UTRN: variants seen among roughly 807,000 people sequenced by gnomAD.
The protein encoded by UTRN is utrophin, also known as dystrophin-related protein 1.
UTRN carries 283 observed loss-of-function variants against 463.9 expected under a neutral mutation model. The ratio of observed to expected loss-of-function variants is 0.61; its 90% CI spans 0.55 to 0.67. UTRN has a LOEUF of 0.67. Among genes scored for constraint, UTRN ranks in the 30% least tolerant of loss-of-function variants. UTRN has a pLI of 0.00. For missense variants in UTRN, 3,922 were observed against 4,084.3 expected (o/e 0.96, Z 1.08); for synonymous variants, 1,442 against 1,431.5 (o/e 1.01, Z -0.17).
chr6:144,774,856 A>G (rs757907533), intron 60 of UTRN, among the ~76,000 whole-genome samples: 7 of 152,218 alleles, frequency 4.6e-5, no homozygotes, highest in Non-Finnish European at 7.3e-5. Flanking sequence ...AGTATTATCA[A>G]TGCATTTTTC....
At chr6:144,849,735 T>G (rs1457749393) in intron 74 of UTRN, among the ~76,000 whole-genome samples, 1 of 152,210 alleles carries the variant, frequency 6.6e-6, no homozygotes, top group African/African-American at 2.4e-5. Context: ...TTCTGACACC[T>G]AAAATGAGCA....
At chr6:144,495,731 G>GA (rs946864311) in intron 33 of UTRN, among the ~76,000 whole-genome samples, 3 of 152,200 alleles carry the variant, frequency 2.0e-5, no homozygotes, top group African/African-American at 4.8e-5. Context: ...AAATACAAGG[G>GA]AAAAAATAAA....
intron 51 of UTRN, among the ~76,000 whole-genome samples, chr6:144,652,311 G>C (rs1189389075): frequency 6.6e-6 from 1 of 152,164 alleles, no homozygotes; most frequent in Non-Finnish European, 1.5e-5. Flanking sequence ...GACAAACAGG[G>C]TCCAGGGAAT....
chr6:144,574,029 G>A (rs536335138), intron 50 of UTRN, among the ~76,000 whole-genome samples: 8 of 152,150 alleles, frequency 5.3e-5, no homozygotes, highest in East Asian at 1.9e-4. Flanking sequence ...TAAAGGAGTC[G>A]TAGGATTGTG....
chr6:144,843,044 G>C (rs557044034), intron 73 of UTRN, among the ~76,000 whole-genome samples: 1 of 152,224 alleles, frequency 6.6e-6, no homozygotes, highest in South Asian at 2.1e-4. Flanking sequence ...CAATTGTTAT[G>C]TTACTTAGTG....
At chr6:144,495,832 A>G (rs1793591685) in intron 33 of UTRN, among the ~76,000 whole-genome samples, 3 of 152,198 alleles carry the variant, frequency 2.0e-5, no homozygotes, top group Admixed American at 6.5e-5. Flanking sequence ...GTGTAATTTT[A>G]ATTGTGAGAA....
At chr6:144,506,013 T>C (rs1409282904) in intron 34 of UTRN, among the ~76,000 whole-genome samples, 2 of 152,226 alleles carry the variant, frequency 1.3e-5, no homozygotes, top group Non-Finnish European at 2.9e-5. Context: ...TGTTATGCCC[T>C]TCTTTGTCTT....
At chr6:144,825,589 C>A (rs946567351) in intron 66 of UTRN, among the ~76,000 whole-genome samples, 3 of 152,056 alleles carry the variant, frequency 2.0e-5, no homozygotes, top group Non-Finnish European at 4.4e-5. Context: ...CACTTTTGTG[C>A]TAACTGGATT....
At chr6:144,478,438 G>T (rs1422921324) in intron 25 of UTRN, among the ~76,000 whole-genome samples, 1 of 152,158 alleles carries the variant, frequency 6.6e-6, no homozygotes, top group Admixed American at 6.6e-5. Flanking sequence ...CTCTTTCTGT[G>T]TGTGTGCATG....
At chr6:144,420,231 G>T (rs1286513068) in intron 3 of UTRN, among the ~76,000 whole-genome samples, 1 of 152,118 alleles carries the variant, frequency 6.6e-6, no homozygotes, top group East Asian at 1.9e-4. Context: ...TCTCTGTGGA[G>T]ATTTTATTAT....
Position 144,678,567 on chromosome 6 carries a change from T to C in UTRN, c.7641T>C (p.Ser2547=). Residue 2547 remains serine (S), a synonymous_variant, in exon 52 of 75, where the codon TCT becomes TCC. Transcript: ENST00000367545. ...NQRWNDLKAK[S]ASIRAHLEAS... is the part of the protein sequence containing the mutation. ...GATGGAATGACTTAAAAGCAAAATC[T>C]GCTAGCATCAGGTCAGAATAGTCAA... 1 of 1,610,456 alleles carries C rather than the reference T, an allele frequency of 6.2e-7. No individual in the cohort carries two copies. The highest frequency in any genetic ancestry group is 8.5e-7 in the Non-Finnish European group (1 of 1,177,874).
rs778823795 is a variant in UTRN, at chr6:144,851,029, C to T, written c.*32C>T. 15 of 1,613,438 alleles carry T rather than the reference C, an allele frequency of 9.3e-6. No individual in the cohort carries two copies. The highest frequency in any genetic ancestry group is 3.3e-5 in the Admixed American group (2 of 59,978). On this transcript the variant is annotated 3_prime_UTR_variant, in exon 75 of 75. Coordinates refer to ENST00000367545, the MANE Select transcript of UTRN (RefSeq NM_007124.3). Reference sequence around the variant, plus strand: ...CATCCGGCCAACCAATGTTTCCTGACGTACAGTGTTGCCCTTTTCAGCAAA... The same window carrying T: ...CATCCGGCCAACCAATGTTTCCTGATGTACAGTGTTGCCCTTTTCAGCAAA...
intron 20 of UTRN, 65 bp from the exon 21 acceptor site, chr6:144,459,109 T>C: frequency 6.3e-7 from 1 of 1,576,274 alleles, no homozygotes; most frequent in East Asian, 2.2e-5. Context: ...AATGCTGCCC[T>C]GATTAACTTC....
In UTRN at chr6:144,673,650, T is replaced by C. The variant is rs562649594; in HGVS notation, c.7480-4756T>C. Among the ~76,000 whole-genome samples the C allele has an allele frequency of 2.0e-5, 3 of 152,302 alleles. No individual in the cohort carries two copies. In the South Asian group the frequency reaches 6.2e-4, roughly 32 times the overall value. On this transcript the variant is annotated intron_variant, in intron 51 of 74. Coordinates refer to ENST00000367545, the MANE Select transcript of UTRN (RefSeq NM_007124.3). ...TTAGGCTATTTACATTCAATGTTAG[T>C]ATTGAGATGTGAGGTACTATTCTAT...
At chr6:144,716,100 A>G (rs1786414380) in intron 53 of UTRN, among the ~76,000 whole-genome samples, 1 of 152,234 alleles carries the variant, frequency 6.6e-6, no homozygotes, top group African/African-American at 2.4e-5. Context: ...ATGCCTTGAT[A>G]TTGTAGTCAG....
At chr6:144,436,846 A>G (rs1160756415) in intron 10 of UTRN, among the ~76,000 whole-genome samples, 1 of 144,708 alleles carries the variant, frequency 6.9e-6, no homozygotes, top group Non-Finnish European at 1.5e-5. Flanking sequence ...TTATATATAA[A>G]TAAAATATAT....
At chr6:144,750,397 T>A (rs1158972411) in intron 55 of UTRN, among the ~76,000 whole-genome samples, 1 of 152,150 alleles carries the variant, frequency 6.6e-6, no homozygotes, top group African/African-American at 2.4e-5. Context: ...TTTGTATGCA[T>A]CCCTTCCTCT....
intron 65 of UTRN, among the ~76,000 whole-genome samples, chr6:144,810,059 G>A (rs1482875574): frequency 2.0e-5 from 3 of 152,128 alleles, no homozygotes; most frequent in East Asian, 1.9e-4. Flanking sequence ...AAGAAGATAC[G>A]ACCTAATGCT....
Position 144,519,052 on chromosome 6 carries a change from T to A in UTRN, c.5541+2104T>A, listed in dbSNP as rs79219277. On this transcript the variant is annotated intron_variant, in intron 39 of 74. Coordinates refer to ENST00000367545, the MANE Select transcript of UTRN (RefSeq NM_007124.3). ...ATGTACAATTAGGATTGAGAAGCAC[T>A]AGTTTACAGGACTCATTGTCTTACC... 3.2e-3 allele frequency among the ~76,000 whole-genome samples: 493 copies of A among 152,300 alleles called. 13 individuals are homozygous for A. In the East Asian group the frequency reaches 0.055, roughly 17 times the overall value.
Sources: gnomAD v4.1 joint callset for allele counts (sites outside exome capture counted in the v4.1 genomes callset) on GRCh38, gnomAD v4.1.1 for gene constraint, MANE v1.5 for transcripts, NCBI Gene and HGNC (gene_info 2026-07-23, HGNC 2026-07-21) for gene names.